The following SCFD2 variants were observed in gnomAD, a reference collection of about 807,000 sequenced individuals.
SCFD2 encodes sec1 family domain-containing protein 2.
Under a neutral mutation model 58.9 loss-of-function variants are expected in SCFD2, and 54 were observed. The observed-to-expected ratio is 0.92, with a 90% CI of 0.74 to 1.15. The LOEUF is 1.15. Ranked by LOEUF, SCFD2 falls within the 50% of genes most tolerant of loss-of-function variation. SCFD2 has a pLI of 0.00. For synonymous variants in SCFD2, 321 were observed against 335.9 expected (o/e 0.96, Z 0.49); for missense variants, 805 against 836.6 (o/e 0.96, Z 0.47).
At chr4:52,965,419 T>C (rs1248295469) in intron 5 of SCFD2, among the ~76,000 whole-genome samples, 1 of 152,160 alleles carries the variant, frequency 6.6e-6, no homozygotes, top group Non-Finnish European at 1.5e-5. Flanking sequence ...AGCACATGCT[T>C]CTTTTATTCT....
At chr4:53,145,311 T>C (rs151283817) in intron 5 of SCFD2, 22 bp downstream of exon 5, 17,541 of 1,612,602 alleles carry the variant, frequency 0.011, 166 homozygotes, top group Middle Eastern at 0.034. Context: ...GTTTGTGTCC[T>C]GTATCTTTGT....
chr4:53,203,416 A>G (rs1361288314), intron 4 of SCFD2, among the ~76,000 whole-genome samples: 1 of 152,020 alleles, frequency 6.6e-6, no homozygotes, highest in Non-Finnish European at 1.5e-5. Flanking sequence ...AAGATCTGTA[A>G]GTTGGATTTT....
At chr4:52,931,467 C>G (rs967681189) in intron 5 of SCFD2, among the ~76,000 whole-genome samples, 4 of 152,194 alleles carry the variant, frequency 2.6e-5, no homozygotes, top group Non-Finnish European at 1.5e-5. Context: ...GAGTTAAGCA[C>G]AGCTGGCAGT....
At chr4:52,897,890 G>C (rs1026636452) in intron 7 of SCFD2, among the ~76,000 whole-genome samples, 1 of 152,182 alleles carries the variant, frequency 6.6e-6, no homozygotes, top group Non-Finnish European at 1.5e-5. Context: ...TTGGGAGAGT[G>C]TATGTGTCGA....
chr4:53,300,631 A>C (rs1732245981), intron 3 of SCFD2, among the ~76,000 whole-genome samples: 1 of 152,186 alleles, frequency 6.6e-6, no homozygotes, highest in Admixed American at 6.5e-5. Flanking sequence ...TCCACTCCAA[A>C]TCAACAGAAT....
chr4:53,114,725 G>T (rs1725272474), intron 5 of SCFD2, among the ~76,000 whole-genome samples: 1 of 152,076 alleles, frequency 6.6e-6, no homozygotes, highest in Admixed American at 6.6e-5. Context: ...ATATCAGAAG[G>T]AAAAGTGGAA....
chr4:53,008,001 C>T (rs1489842929), intron 5 of SCFD2, among the ~76,000 whole-genome samples: 1 of 152,152 alleles, frequency 6.6e-6, no homozygotes, highest in Non-Finnish European at 1.5e-5. Context: ...GAGAGGGTTA[C>T]AGGAAGGTGG....
chr4:53,146,988 T>C (rs7693228), intron 4 of SCFD2, among the ~76,000 whole-genome samples: 1,582 of 152,264 alleles, frequency 0.01, 35 homozygotes, highest in African/African-American at 0.036. Context: ...ACTAGTGTAG[T>C]ATATTAGAGT....
At chr4:53,000,234 G>A (rs577730466) in intron 5 of SCFD2, among the ~76,000 whole-genome samples, 2 of 152,300 alleles carry the variant, frequency 1.3e-5, no homozygotes, top group South Asian at 4.1e-4. Flanking sequence ...CTCGTACCTG[G>A]AACGCCCATT....
At chr4:52,966,163 T>C (rs1720959186) in intron 5 of SCFD2, among the ~76,000 whole-genome samples, 1 of 152,232 alleles carries the variant, frequency 6.6e-6, no homozygotes, top group Non-Finnish European at 1.5e-5. Flanking sequence ...CCTCATGCCC[T>C]GCACCATTCT....
At chr4:53,238,627 G>A (rs1334057538) in intron 4 of SCFD2, among the ~76,000 whole-genome samples, 2 of 151,170 alleles carry the variant, frequency 1.3e-5, no homozygotes, top group African/African-American at 4.9e-5. Context: ...AGGCGGAGGA[G>A]CTCCTCGCTT....
intron 8 of SCFD2, among the ~76,000 whole-genome samples, chr4:52,878,349 A>G (rs767497176): frequency 5.3e-5 from 8 of 152,192 alleles, no homozygotes; most frequent in Non-Finnish European, 8.8e-5. Flanking sequence ...AGACAGCTCC[A>G]GGTAAATGTG....
chr4:53,300,021 A>C (rs1732214651), intron 3 of SCFD2, among the ~76,000 whole-genome samples: 1 of 152,168 alleles, frequency 6.6e-6, no homozygotes, highest in Non-Finnish European at 1.5e-5. Flanking sequence ...CCATCAAAGC[A>C]AGGAAGAAAC....
At chr4:53,139,851 T>G (rs941184585) in intron 5 of SCFD2, among the ~76,000 whole-genome samples, 1 of 152,216 alleles carries the variant, frequency 6.6e-6, no homozygotes, top group African/African-American at 2.4e-5. Flanking sequence ...TTCCATTTTG[T>G]TCTATACTAA....
chr4:53,251,528 A>G (rs1326471455), intron 4 of SCFD2, among the ~76,000 whole-genome samples: 1 of 152,250 alleles, frequency 6.6e-6, no homozygotes, highest in Non-Finnish European at 1.5e-5. Flanking sequence ...CAAAAAGCTT[A>G]TCCACCATGA....
At chr4:52,983,752 G>T (rs1026750001) in intron 5 of SCFD2, among the ~76,000 whole-genome samples, 17 of 152,084 alleles carry the variant, frequency 1.1e-4, no homozygotes, top group Admixed American at 7.2e-4. Context: ...TGAAAATGGT[G>T]CCCTCTGCTG....
intron 5 of SCFD2, among the ~76,000 whole-genome samples, chr4:53,017,738 T>C (rs1160392548): frequency 1.3e-5 from 2 of 152,144 alleles, no homozygotes; most frequent in Admixed American, 1.3e-4. Context: ...AACTAGGCCC[T>C]ACCTGCACTG....
intron 5 of SCFD2, among the ~76,000 whole-genome samples, chr4:52,947,707 C>T (rs535960742): frequency 1.3e-5 from 2 of 149,826 alleles, no homozygotes; most frequent in African/African-American, 4.9e-5. Context: ...AAATGGTGTT[C>T]GCAAAAAAAC....
intron 1 of SCFD2, among the ~76,000 whole-genome samples, chr4:53,358,833 A>C (rs900872067): frequency 6.6e-6 from 1 of 152,238 alleles, no homozygotes; most frequent in Non-Finnish European, 1.5e-5. Flanking sequence ...TCCTCTATGC[A>C]AACATGCCTG....
Sources: gnomAD v4.1 joint callset for allele counts (sites outside exome capture counted in the v4.1 genomes callset) on GRCh38, gnomAD v4.1.1 for gene constraint, MANE v1.5 for transcripts, NCBI Gene and HGNC (gene_info 2026-07-23, HGNC 2026-07-21) for gene names.